Variants in SGCD observed in about 807,000 individuals in gnomAD.
The protein encoded by SGCD is sarcoglycan delta, also known as delta-sarcoglycan.
SGCD carries 18 observed loss-of-function variants against 36.6 expected under a neutral mutation model. That is an observed-to-expected ratio of 0.49 (90% CI 0.34 to 0.73). The LOEUF (loss-of-function observed/expected upper bound fraction) is 0.73. Among genes scored for constraint, SGCD ranks in the 30% least tolerant of loss-of-function variants. The pLI is 0.01. For missense variants in SGCD, 387 were observed against 346.7 expected, an observed-to-expected ratio of 1.12 and a Z score of -0.92; for synonymous variants, 133 against 130.6, an observed-to-expected ratio of 1.02 and a Z score of -0.12.
chr5:155,972,569 T>G (rs1467249411), intron 1 of SGCD, among the ~76,000 whole-genome samples: 2 of 152,148 alleles, frequency 1.3e-5, no homozygotes, highest in Non-Finnish European at 2.9e-5. Context: ...GTTCATGATA[T>G]GTGTGTTTAA....
chr5:155,803,430 G>C, the SGCD span, among the ~76,000 whole-genome samples: 5 of 152,240 alleles, frequency 3.3e-5, 1 homozygote, highest in African/African-American at 1.2e-4. Context: ...TGCTGCCTTT[G>C]CCAGAGAAGA....
intron 7 of SGCD, among the ~76,000 whole-genome samples, chr5:156,692,322 TTAA>T (rs1004297715): frequency 1.3e-5 from 2 of 152,184 alleles, no homozygotes; most frequent in Non-Finnish European, 2.9e-5. Context: ...TGATTGACTA[TTAA>T]TGTCTGCCAT....
intron 5 of SGCD, among the ~76,000 whole-genome samples, chr5:156,592,251 A>C (rs1561800821): frequency 6.6e-6 from 1 of 152,096 alleles, no homozygotes; most frequent in Non-Finnish European, 1.5e-5. Context: ...TGGAACAAAA[A>C]TGGGCAAACT....
intron 7 of SGCD, among the ~76,000 whole-genome samples, chr5:156,687,751 C>T (rs188752051): frequency 6.6e-6 from 1 of 152,180 alleles, no homozygotes; most frequent in African/African-American, 2.4e-5. Context: ...GGTTGCAGCA[C>T]AAGAAAAACA....
At chr5:155,749,536 G>A in the SGCD span, among the ~76,000 whole-genome samples, 1 of 152,170 alleles carries the variant, frequency 6.6e-6, no homozygotes, top group Non-Finnish European at 1.5e-5. Flanking sequence ...ATTTCATTCA[G>A]TGTATTAAAC....
At chr5:156,193,580 G>T (rs964064761) in intron 3 of SGCD, among the ~76,000 whole-genome samples, 1 of 152,122 alleles carries the variant, frequency 6.6e-6, no homozygotes, top group African/African-American at 2.4e-5. Flanking sequence ...CTAGGTGAGA[G>T]AGCATGGTGT....
At chr5:156,333,352 T>C (rs1768160488) in intron 2 of SGCD, among the ~76,000 whole-genome samples, 1 of 152,148 alleles carries the variant, frequency 6.6e-6, no homozygotes, top group African/African-American at 2.4e-5. Flanking sequence ...ATACTTAGAG[T>C]AACTTTCACT....
intron 2 of SGCD, among the ~76,000 whole-genome samples, chr5:156,331,903 G>A (rs942814037): frequency 7.2e-5 from 11 of 152,258 alleles, no homozygotes; most frequent in South Asian, 6.2e-4. Flanking sequence ...CATTCCTATC[G>A]TTACCTATGG....
the SGCD span, among the ~76,000 whole-genome samples, chr5:155,828,919 T>C: frequency 6.6e-6 from 1 of 152,090 alleles, no homozygotes; most frequent in African/African-American, 2.4e-5. Flanking sequence ...ACTCCTAACC[T>C]CAGGTGATCT....
intron 1 of SGCD, among the ~76,000 whole-genome samples, chr5:155,971,783 C>T (rs1212562832): frequency 6.6e-6 from 1 of 152,094 alleles, no homozygotes; most frequent in Non-Finnish European, 1.5e-5. Flanking sequence ...TTGACTCATT[C>T]GCTTTGCATG....
upstream of SGCD, among the ~76,000 whole-genome samples, chr5:155,869,993 C>T (rs1189666963): frequency 3.2e-5 from 4 of 124,154 alleles, no homozygotes; most frequent in South Asian, 2.6e-4. Flanking sequence ...AGCGAGACTC[C>T]GTCTCAACAA....
chr5:156,598,561 A>T (rs1218350095), intron 6 of SGCD, among the ~76,000 whole-genome samples: 1 of 152,080 alleles, frequency 6.6e-6, no homozygotes, highest in Non-Finnish European at 1.5e-5. Flanking sequence ...AAACAAAAAC[A>T]AAAAACTTTG....
intron 7 of SGCD, among the ~76,000 whole-genome samples, chr5:156,681,217 AGACTT>A (rs1753708734): frequency 6.6e-6 from 1 of 152,190 alleles, no homozygotes; most frequent in Non-Finnish European, 1.5e-5. Flanking sequence ...TGAATGCCGA[AGACTT>A]TACTGAGCGG....
At chr5:156,366,229 G>C (rs1770102324) in intron 3 of SGCD, among the ~76,000 whole-genome samples, 1 of 152,212 alleles carries the variant, frequency 6.6e-6, no homozygotes, top group Non-Finnish European at 1.5e-5. Context: ...ACCAAGTGAG[G>C]AAGAGGAACA....
At position 156,617,799 on chromosome 5, in the gene SGCD, T is replaced by G. The variant is rs148301753; in HGVS notation, c.502+22748T>G. ...CCAGGGGTGGTTTACAGGGCCATGATTGCCCTCCCTGGTACATCCTCAGAA... is the reference window on the plus strand; with the variant it reads ...CCAGGGGTGGTTTACAGGGCCATGAGTGCCCTCCCTGGTACATCCTCAGAA... On this transcript the variant is annotated intron_variant, in intron 6 of 8. Transcript: ENST00000337851. Among the ~76,000 whole-genome samples the G allele has an allele frequency of 2.6e-3, 389 of 152,296 alleles. 3 individuals carry two copies. Among genetic ancestry groups the G allele is most frequent in the Non-Finnish European group, 4.4e-3 (297 of 68,018 alleles).
intron 7 of SGCD, among the ~76,000 whole-genome samples, chr5:156,714,721 GAA>G (rs1755144074): frequency 6.6e-6 from 1 of 152,206 alleles, no homozygotes; most frequent in Non-Finnish European, 1.5e-5. Context: ...TTAATCCAGT[GAA>G]ATTTAGTTCA....
intron 7 of SGCD, among the ~76,000 whole-genome samples, chr5:156,668,722 G>A (rs1753162242): frequency 6.6e-6 from 1 of 152,208 alleles, no homozygotes; most frequent in Non-Finnish European, 1.5e-5. Flanking sequence ...GCAGGAAGAA[G>A]TTGAAAGCCC....
At chr5:155,903,098 G>T (rs1475926728) in intron 1 of SGCD, among the ~76,000 whole-genome samples, 1 of 152,148 alleles carries the variant, frequency 6.6e-6, no homozygotes, top group South Asian at 2.1e-4. Context: ...TTTGTTTATG[G>T]TGTGAGTTTG....
At chr5:156,032,857 C>T (rs114434880) in intron 1 of SGCD, among the ~76,000 whole-genome samples, 233 of 151,694 alleles carry the variant, frequency 1.5e-3, no homozygotes, top group African/African-American at 5.4e-3. Flanking sequence ...ATCTCTTAAG[C>T]CCAGGAGTTT....
Sources: gnomAD v4.1 joint callset for allele counts (sites outside exome capture counted in the v4.1 genomes callset) on GRCh38, gnomAD v4.1.1 for gene constraint, MANE v1.5 for transcripts, NCBI Gene and HGNC (gene_info 2026-07-23, HGNC 2026-07-21) for gene names.